DDC: variants seen among roughly 807,000 people sequenced by gnomAD.
DDC encodes dopa decarboxylase.
In DDC, 43 loss-of-function variants were observed where a neutral mutation model predicts 60.0. The observed-to-expected ratio is 0.72, with a 90% CI of 0.56 to 0.92. The LOEUF (loss-of-function observed/expected upper bound fraction) is 0.92. Ranked by LOEUF, DDC falls within the 40% of genes least tolerant of loss-of-function variation. DDC has a pLI of 0.00. For missense variants in DDC, 573 were observed against 620.2 expected (o/e 0.92, Z 0.81); for synonymous variants, 232 against 234.6 (o/e 0.99, Z 0.10).
rs528576437 is a variant in DDC at position 50,499,709 on chromosome 7, CA to C, written c.782-468del. ...ACCTGCCCCACTCCATCCCCACCAC[CA>C]GGTGAAGTTCTTTACTTTACACCAT... On this transcript the variant is annotated intron_variant, in intron 7 of 14. Transcript: ENST00000444124. Among the ~76,000 whole-genome samples, 290 of 152,338 alleles carry C rather than the reference CA, an allele frequency of 1.9e-3. 1 individual carries two copies. The highest frequency in any genetic ancestry group is 6.7e-3 in the African/African-American group (279 of 41,572).
chr7:50,555,029 T>C (rs1333257780), intron 1 of DDC, among the ~76,000 whole-genome samples: 1 of 152,106 alleles, frequency 6.6e-6, no homozygotes, highest in Non-Finnish European at 1.5e-5. Flanking sequence ...ATGGCCAATA[T>C]GATGCACTCC....
intron 5 of DDC, 47 bp downstream of exon 5, chr7:50,529,161 A>T: frequency 1.9e-6 from 3 of 1,611,698 alleles, no homozygotes; most frequent in Non-Finnish European, 2.5e-6. Flanking sequence ...ATAAAACCAA[A>T]CATTCGGGTC....
chr7:50,490,597 G>A (rs1298627890), intron 9 of DDC, among the ~76,000 whole-genome samples: 2 of 152,200 alleles, frequency 1.3e-5, no homozygotes, highest in Non-Finnish European at 2.9e-5. Flanking sequence ...TTGAACCTGG[G>A]AGGTGGAGGT....
At chr7:50,564,186 T>C (rs2045389888) in intron 1 of DDC, 1 of 152,208 alleles carries the variant, frequency 6.6e-6, no homozygotes, top group Admixed American at 6.5e-5. Flanking sequence ...CATATCCACT[T>C]TGCCAGGACT....
At chr7:50,490,168 C>CTG (rs1047950528) in intron 9 of DDC, among the ~76,000 whole-genome samples, 1 of 152,182 alleles carries the variant, frequency 6.6e-6, no homozygotes, top group African/African-American at 2.4e-5. Flanking sequence ...TAAGGGTGAC[C>CTG]TACAGAGCTA....
intron 10 of DDC, chr7:50,477,561 C>A (rs1423474253): frequency 2.2e-6 from 1 of 457,802 alleles, no homozygotes; most frequent in South Asian, 1.5e-5. Context: ...GCACTTCATC[C>A]ACTGCACAGG....
chr7:50,486,587 G>A (rs2042884225), intron 9 of DDC, among the ~76,000 whole-genome samples: 4 of 152,154 alleles, frequency 2.6e-5, no homozygotes, highest in Admixed American at 1.3e-4. Context: ...CGCTGTTATG[G>A]ACCAAATTAT....
chr7:50,521,472 A>G (rs1438103499), intron 6 of DDC, among the ~76,000 whole-genome samples: 2 of 152,224 alleles, frequency 1.3e-5, no homozygotes, highest in Non-Finnish European at 2.9e-5. Flanking sequence ...AAGGAAAACT[A>G]TAGAACAATA....
chr7:50,562,530 C>T (rs1323358151), intron 1 of DDC, among the ~76,000 whole-genome samples: 1 of 152,224 alleles, frequency 6.6e-6, no homozygotes, highest in African/African-American at 2.4e-5. Flanking sequence ...TCAAGCTGGA[C>T]AGCCAGGCAC....
intron 11 of DDC, among the ~76,000 whole-genome samples, chr7:50,472,391 T>C (rs77791589): frequency 0.013 from 1,939 of 152,352 alleles, 22 homozygotes; most frequent in Non-Finnish European, 0.02. Context: ...TATTTGATGC[T>C]TCCCGGACAT....
rs2043469603 is a variant in DDC, at chr7:50,508,760, C to A, written c.715-4701G>T. Among the ~76,000 whole-genome samples the A allele has an allele frequency of 2.0e-5, 3 of 152,224 alleles. No individual in the cohort carries two copies. The South Asian group carries it at 6.2e-4, about 32-fold the overall frequency. ...TTATGCACATGCCCAGTTATAACCA[C>A]AAGGGCACAGCTGGGCAGTGAGACA... is the stretch of plus-strand genomic sequence containing the variant. On this transcript the variant is annotated intron_variant, in intron 6 of 14. Transcript: ENST00000444124.
chr7:50,505,500 G>A (rs1396531608), intron 6 of DDC, among the ~76,000 whole-genome samples: 2 of 152,218 alleles, frequency 1.3e-5, no homozygotes, highest in African/African-American at 2.4e-5. Flanking sequence ...TCAGAAACTC[G>A]TATGTGAGAA....
intron 1 of DDC, among the ~76,000 whole-genome samples, chr7:50,554,677 T>C (rs1209223910): frequency 6.6e-6 from 1 of 152,214 alleles, no homozygotes; most frequent in Non-Finnish European, 1.5e-5. Context: ...CCAGAGTTAG[T>C]GCTCAGGCCT....
chr7:50,460,561 C>T (rs1238474990), intron 14 of DDC, among the ~76,000 whole-genome samples: 1 of 151,572 alleles, frequency 6.6e-6, no homozygotes, highest in Middle Eastern at 3.2e-3. Flanking sequence ...CCCAACAGCT[C>T]ATTGAGAACG....
At chr7:50,491,291 T>C (rs541840806) in intron 9 of DDC, among the ~76,000 whole-genome samples, 1 of 152,214 alleles carries the variant, frequency 6.6e-6, no homozygotes, top group Non-Finnish European at 1.5e-5. Flanking sequence ...TTTTCCAGGA[T>C]TGTTCTCCCT....
chr7:50,490,367 G>A (rs1228223445), intron 9 of DDC, among the ~76,000 whole-genome samples: 1 of 152,162 alleles, frequency 6.6e-6, no homozygotes, highest in African/African-American at 2.4e-5. Flanking sequence ...CTGGGACTGA[G>A]GCTTTTAAAA....
intron 1 of DDC, among the ~76,000 whole-genome samples, chr7:50,549,905 A>C (rs894758245): frequency 6.6e-6 from 1 of 152,252 alleles, no homozygotes; most frequent in African/African-American, 2.4e-5. Flanking sequence ...TGGATGAGCA[A>C]AGACATCTTG....
intron 10 of DDC, among the ~76,000 whole-genome samples, chr7:50,478,547 T>C (rs1468024431): frequency 6.6e-6 from 1 of 152,168 alleles, no homozygotes; most frequent in East Asian, 1.9e-4. Context: ...GGTGTCTAAT[T>C]AGTGCAAGTT....
intron 10 of DDC, among the ~76,000 whole-genome samples, chr7:50,479,033 A>T (rs1306422049): frequency 3.5e-4 from 54 of 152,226 alleles, no homozygotes; most frequent in Non-Finnish European, 8.8e-5. Context: ...TTCAGTTATC[A>T]AAAAAATTCT....
Sources: allele counts gnomAD v4.1 joint callset (sites outside exome capture counted in the v4.1 genomes callset), GRCh38; gene constraint gnomAD v4.1.1; transcripts MANE v1.5; gene names NCBI Gene and HGNC (gene_info 2026-07-23, HGNC 2026-07-21).